Variants in TRIM9 observed in about 807,000 individuals in gnomAD.
TRIM9 encodes the protein tripartite motif containing 9.
A neutral mutation model predicts 78.3 loss-of-function variants in TRIM9; 26 were observed. The observed-to-expected ratio is 0.33, with a 90% CI of 0.24 to 0.46. TRIM9 has a LOEUF of 0.46. TRIM9 is among the 20% of genes least tolerant of loss of function. TRIM9 has a pLI of 1.00. For missense variants in TRIM9, 787 were observed against 1,036.4 expected (o/e 0.76, Z 3.30); for synonymous variants, 398 against 416.5 (o/e 0.96, Z 0.54).
At chr14:51,001,567 T>C (rs1360736559) in intron 5 of TRIM9, among the ~76,000 whole-genome samples, 1 of 152,188 alleles carries the variant, frequency 6.6e-6, no homozygotes, top group Admixed American at 6.5e-5. Flanking sequence ...TATTCTGAGA[T>C]TGAAACCCAA....
At chr14:50,998,515 C>T (rs1171888213) in intron 6 of TRIM9, among the ~76,000 whole-genome samples, 2 of 152,164 alleles carry the variant, frequency 1.3e-5, no homozygotes, top group Non-Finnish European at 2.9e-5. Flanking sequence ...AAAAATAAAA[C>T]TGAGTGCTTA....
Position 50,998,129 on chromosome 14 carries a change from T to C in TRIM9, c.1524A>G (p.Thr508=), listed in dbSNP as rs139303572. The change falls in exon 7 of 13, where the codon ACA becomes ACG. Residue 508 remains threonine, a synonymous_variant. Coordinates refer to ENST00000684578, the MANE Select transcript of TRIM9 (RefSeq NM_001387360.1). ...TGAAGGCCTTGACCCGAGCGTTGTA[T>C]GTGCTGTTGAAGTGAAGACCATCCA... The part of the protein sequence containing the change: ...CTVDGLHFNS[T]YNARVKAFNK... The C allele has an allele frequency of 1.2e-6, 2 of 1,614,090 alleles. No homozygotes were observed. Among genetic ancestry groups the C allele is most frequent in the African/African-American group, 2.7e-5 (2 of 74,936 alleles).
chr14:51,038,760 G>C (rs1034517481), intron 1 of TRIM9, among the ~76,000 whole-genome samples: 1 of 152,194 alleles, frequency 6.6e-6, no homozygotes, highest in African/African-American at 2.4e-5. Flanking sequence ...ATCACCAAGA[G>C]TGAAGCTTCT....
At chr14:51,013,380 G>A (rs898498906) in intron 3 of TRIM9, among the ~76,000 whole-genome samples, 1 of 151,910 alleles carries the variant, frequency 6.6e-6, no homozygotes, top group African/African-American at 2.4e-5. Context: ...CTATTACAGT[G>A]GTCTATATAT....
chr14:50,989,390 C>G (rs1279174283), intron 7 of TRIM9, among the ~76,000 whole-genome samples: 2 of 152,222 alleles, frequency 1.3e-5, no homozygotes, highest in African/African-American at 4.8e-5. Context: ...CTTCAAAACA[C>G]AACTATCACA....
chr14:51,026,238 T>C (rs2058220808), intron 1 of TRIM9, among the ~76,000 whole-genome samples: 1 of 152,126 alleles, frequency 6.6e-6, no homozygotes, highest in Non-Finnish European at 1.5e-5. Context: ...GGATGTGATG[T>C]CTTCCGGCTC....
intron 8 of TRIM9, 43 bp from the exon 9 acceptor site, chr14:50,983,464 A>C (rs2052265493): frequency 2.7e-6 from 4 of 1,480,532 alleles, no homozygotes; most frequent in South Asian, 2.7e-5. Context: ...AACAACAACC[A>C]GGTTGATAAA....
At chr14:50,983,763 C>G (rs1022024217) in intron 8 of TRIM9, among the ~76,000 whole-genome samples, 3 of 152,158 alleles carry the variant, frequency 2.0e-5, no homozygotes, top group Admixed American at 6.5e-5. Context: ...TTAATTGCAA[C>G]GGAGAAATCA....
At chr14:50,977,393 TC>T in intron 12 of TRIM9, 40 bp from the exon 13 acceptor site, 1 of 1,444,158 alleles carries the variant, frequency 6.9e-7, no homozygotes, top group Non-Finnish European at 9.2e-7. Context: ...GCATCGTGCA[TC>T]CCCCTGTCCC....
At chr14:51,029,862 TC>T (rs2139852237) in intron 1 of TRIM9, among the ~76,000 whole-genome samples, 1 of 152,040 alleles carries the variant, frequency 6.6e-6, no homozygotes, top group African/African-American at 2.4e-5. Flanking sequence ...TGCTCCAGCC[TC>T]CCAAAAAAAG....
intron 3 of TRIM9, among the ~76,000 whole-genome samples, chr14:51,015,093 T>C (rs2057010063): frequency 6.6e-6 from 1 of 152,188 alleles, no homozygotes; most frequent in Non-Finnish European, 1.5e-5. Flanking sequence ...ATTTGAACAG[T>C]TTTATTTTGT....
rs748152044 is a variant in TRIM9, at chr14:50,979,394, T to C, written c.2318A>G (p.Asn773Ser). Residue 773 changes from asparagine to serine, a missense_variant, in exon 12 of 13, where the codon AAC (asparagine) becomes AGC (serine). Asn to Ser is a conservative substitution (Grantham distance 46). This residue lies in a region of TRIM9 where 421 missense variants were observed against 514.3 expected (regional missense o/e 0.82). Coordinates refer to ENST00000684578, the MANE Select transcript of TRIM9 (RefSeq NM_001387360.1). ...LFFPAVSLNR[N>S]VQVTLHTGLP... is the part of the protein sequence containing the mutation. ...CAGGGGCAGGGTGCTTACCTGCACG[T>C]TCCTGTTCAGGCTGACCGCAGGGAA... 3.7e-6 allele frequency: 6 copies of C among 1,614,072 alleles called. No homozygotes were observed. In the African/African-American group the frequency reaches 8.0e-5, roughly 22 times the overall value.
intron 3 of TRIM9, among the ~76,000 whole-genome samples, chr14:51,017,098 T>C (rs2057293414): frequency 6.6e-6 from 1 of 152,222 alleles, no homozygotes; most frequent in African/African-American, 2.4e-5. Context: ...TCTTGTTTTT[T>C]CCAAGAGTAG....
intron 1 of TRIM9, among the ~76,000 whole-genome samples, chr14:51,033,181 C>G (rs2058876033): frequency 6.6e-6 from 1 of 152,214 alleles, no homozygotes; most frequent in African/African-American, 2.4e-5. Flanking sequence ...CCTCCACCTC[C>G]CGGGTTCAAG....
chr14:51,094,784 G>A lies in TRIM9; in HGVS notation c.156C>T (p.Ala52=). ...CATAGTCGGAGACCCCGGAGCCCGC[G>A]GCCCGATGGCTCTGGGGGGATTCAG... is the stretch of plus-strand genomic sequence containing the variant. ...PESESPQSHR[A]AGSGVSDYDY... Residue 52 remains alanine (A), a synonymous_variant, in exon 1 of 13, where the codon GCC becomes GCT. Transcript: ENST00000684578. The A allele has an allele frequency of 1.3e-6, 2 of 1,529,828 alleles. No individual in the cohort carries two copies. The highest frequency in any genetic ancestry group is 2.3e-5 in the East Asian group (1 of 44,216). The allele number at this position is 1,529,828 out of a possible 1,614,324, so 94.8% of individuals were successfully genotyped here.
chr14:51,084,355 T>C (rs2063571718), intron 1 of TRIM9, among the ~76,000 whole-genome samples: 1 of 152,188 alleles, frequency 6.6e-6, no homozygotes, highest in Non-Finnish European at 1.5e-5. Flanking sequence ...GTAGAGCAAA[T>C]TCTATTTAAT....
Position 51,000,754 on chromosome 14 carries a change from G to A in TRIM9, c.1393C>T (p.Pro465Ser), listed in dbSNP as rs757983876. The change falls in exon 6 of 13, where the codon CCA (proline) becomes TCA (serine). Residue 465 changes from proline (P) to serine (S), a missense_variant. Physicochemically the swap from Pro to Ser is moderately conservative, Grantham distance 74 (BLOSUM62 -1). This residue lies in a region of TRIM9 where 421 missense variants were observed against 514.3 expected (regional missense o/e 0.82). Coordinates refer to ENST00000684578, the MANE Select transcript of TRIM9 (RefSeq NM_001387360.1). Reference sequence around the variant, plus strand: ...TCGGCGGGCACCGTGGACAGAGGTGGCTGTTTCCAGGACAACGTAGCGCTG... The same window carrying A: ...TCGGCGGGCACCGTGGACAGAGGTGACTGTTTCCAGGACAACGTAGCGCTG... ...NNSATLSWKQ[P>S]PLSTVPADGY... is the part of the protein sequence containing the mutation. 1.9e-6 allele frequency: 3 copies of A among 1,614,226 alleles called. No homozygotes were observed. The South Asian group carries it at 3.3e-5, about 18-fold the overall frequency.
chr14:51,086,769 G>C (rs1034051410), intron 1 of TRIM9, among the ~76,000 whole-genome samples: 1 of 151,840 alleles, frequency 6.6e-6, no homozygotes, highest in African/African-American at 2.4e-5. Flanking sequence ...AGAGGAAGGG[G>C]ACTGAAATGA....
rs577010220 is a variant in TRIM9, at chr14:51,023,338, G to A, written c.919-381C>T. 2.4e-4 allele frequency among the ~76,000 whole-genome samples: 36 copies of A among 152,298 alleles called. 1 individual carries two copies. The highest frequency in any genetic ancestry group is 1.4e-3 in the Admixed American group (22 of 15,296). ...AATGAGGAGGGAGTGGGGCATTGCT[G>A]AGGCACGAGAAATCATTAAATTCAA... On this transcript the variant is annotated intron_variant, in intron 2 of 12. Transcript: ENST00000684578.
Sources: allele counts gnomAD v4.1 joint callset (sites outside exome capture counted in the v4.1 genomes callset), GRCh38; gene constraint gnomAD v4.1.1; regional missense constraint gnomAD v4.1.1; transcripts MANE v1.5; gene names NCBI Gene and HGNC (gene_info 2026-07-23, HGNC 2026-07-21).